Variants in CCDC171 observed in about 807,000 individuals in gnomAD.
The protein encoded by CCDC171 is coiled-coil domain containing 171.
Under a neutral mutation model 168.2 loss-of-function variants are expected in CCDC171, and 177 were observed. The observed-to-expected ratio is 1.05, with a 90% confidence interval of 0.93 to 1.19. The LOEUF is 1.19. CCDC171 is among the 50% of genes most tolerant of loss of function. The probability of loss-of-function intolerance (pLI) is 0.00; values close to 1 mark genes in which losing one functional copy is unlikely to be tolerated. For missense variants in CCDC171, 1,991 were observed against 1,539.0 expected, an observed-to-expected ratio of 1.29 and a Z score of -4.91; for synonymous variants, 687 against 540.8, an observed-to-expected ratio of 1.27 and a Z score of -3.75.
At chr9:16,072,753 G>A in the CCDC171 span, among the ~76,000 whole-genome samples, 10 of 151,574 alleles carry the variant, frequency 6.6e-5, no homozygotes, top group East Asian at 5.8e-4. Flanking sequence ...TTTCCTTCTC[G>A]TCCTATTCGT....
chr9:16,042,476 G>A (rs113799627), upstream of CCDC171, among the ~76,000 whole-genome samples: 2,134 of 152,286 alleles, frequency 0.014, 49 homozygotes, highest in African/African-American at 0.047. Flanking sequence ...CAGGGACCTC[G>A]AGGAAATCAC....
rs529609700 is a variant in CCDC171 at position 15,654,366 on chromosome 9, C to G, written c.823-2761C>G. ...GATTATATCCTGAAGCAGGATTACT[C>G]CATGACTGTGAAGGCCATCAGAACC... is the stretch of plus-strand genomic sequence containing the variant. On this transcript the variant is annotated intron_variant, in intron 7 of 25. Transcript: ENST00000380701. Among the ~76,000 whole-genome samples, 11 of 152,254 alleles carry G rather than the reference C, an allele frequency of 7.2e-5. No homozygotes were observed. The South Asian group carries it at 2.1e-3, about 29-fold the overall frequency.
chr9:16,023,678 T>G (rs1265085451), intron 6 of CCDC171, among the ~76,000 whole-genome samples: 1 of 152,230 alleles, frequency 6.6e-6, no homozygotes, highest in Non-Finnish European at 1.5e-5. Context: ...GTGGGTTCAT[T>G]GGGCATTACT....
intron 3 of CCDC171, among the ~76,000 whole-genome samples, chr9:15,994,980 A>G (rs1345989037): frequency 1.3e-5 from 2 of 152,182 alleles, no homozygotes; most frequent in Admixed American, 6.5e-5. Context: ...CACTGAATAT[A>G]ATTACAGGCC....
chr9:15,903,486 G>A (rs1649878074), intron 24 of CCDC171, among the ~76,000 whole-genome samples: 1 of 149,652 alleles, frequency 6.7e-6, no homozygotes, highest in Non-Finnish European at 1.5e-5. Flanking sequence ...CTGTTAGAAG[G>A]AAAACTAACA....
chr9:15,779,542 T>G (rs2057545816), intron 20 of CCDC171, among the ~76,000 whole-genome samples: 1 of 152,108 alleles, frequency 6.6e-6, no homozygotes, highest in Non-Finnish European at 1.5e-5. Context: ...GTATTTTTAG[T>G]AGAGATGGAA....
chr9:15,556,715 C>A (rs1252679297), intron 1 of CCDC171, among the ~76,000 whole-genome samples: 1 of 151,788 alleles, frequency 6.6e-6, no homozygotes, highest in East Asian at 1.9e-4. Flanking sequence ...ATGGTAGTTT[C>A]TTTTGCTGTG....
At chr9:15,922,438 T>G (rs1197107017) in intron 25 of CCDC171, among the ~76,000 whole-genome samples, 1 of 151,706 alleles carries the variant, frequency 6.6e-6, no homozygotes, top group Non-Finnish European at 1.5e-5. Flanking sequence ...CAATATTGTT[T>G]GGTGGGTAAG....
chr9:15,903,993 A>G (rs879936448), intron 24 of CCDC171, among the ~76,000 whole-genome samples: 3 of 152,136 alleles, frequency 2.0e-5, no homozygotes, highest in Non-Finnish European at 2.9e-5. Flanking sequence ...ATGAAAAGAA[A>G]CAAACAAAGC....
rs1453111429 is a variant in CCDC171 at position 15,815,666 on chromosome 9, TAA to T, written c.3267+30974_3267+30975del. ...AATCATATTTTCTCTGGTAAACCTT[TAA>T]ACAAAAGAACTCCAACACTCATTTT... On this transcript the variant is annotated intron_variant, in intron 21 of 25. Transcript: ENST00000380701. Among the ~76,000 whole-genome samples, 2 of 116,506 alleles carry T rather than the reference TAA, an allele frequency of 1.7e-5. 1 individual carries two copies. Among genetic ancestry groups the T allele is most frequent in the Non-Finnish European group, 3.8e-5 (2 of 52,004 alleles). 76.4% of individuals were successfully genotyped at this position (116,506 alleles called of 152,430 possible). A position where few individuals can be genotyped will look rare whatever the true frequency, so the allele number is the denominator to read the frequency against.
At chr9:15,857,855 C>T (rs868502425) in intron 23 of CCDC171, among the ~76,000 whole-genome samples, 65 of 151,796 alleles carry the variant, frequency 4.3e-4, no homozygotes, top group African/African-American at 1.5e-3. Flanking sequence ...GGATTTATTT[C>T]TGGGCTTTCT....
chr9:15,626,041 G>A (rs1383976762), intron 7 of CCDC171, among the ~76,000 whole-genome samples: 3 of 152,122 alleles, frequency 2.0e-5, no homozygotes, highest in Non-Finnish European at 2.9e-5. Context: ...CACATCCCTT[G>A]TAAGTTGGAT....
chr9:15,713,135 T>A lies in CCDC171; in HGVS notation c.1319-8634T>A, dbSNP rs191296236. Among the ~76,000 whole-genome samples, 40 of 152,318 alleles carry A rather than the reference T, an allele frequency of 2.6e-4. 1 individual carries two copies. The Middle Eastern group carries it at 0.017, about 65-fold the overall frequency. On this transcript the variant is annotated intron_variant, in intron 11 of 25. Transcript: ENST00000380701. ...AATTGGTGTATATTTGTATATTTGGTCTTCTCTCATTCTAGGAAGAATGAT... is the reference window on the plus strand; with the variant it reads ...AATTGGTGTATATTTGTATATTTGGACTTCTCTCATTCTAGGAAGAATGAT...
At chr9:15,957,483 C>G (rs1829914735) in intron 25 of CCDC171, among the ~76,000 whole-genome samples, 1 of 152,148 alleles carries the variant, frequency 6.6e-6, no homozygotes, top group Non-Finnish European at 1.5e-5. Context: ...TATGTCAACT[C>G]TTGTTCTCTA....
chr9:15,877,397 A>G (rs558503238), intron 24 of CCDC171, among the ~76,000 whole-genome samples: 1 of 152,138 alleles, frequency 6.6e-6, no homozygotes, highest in South Asian at 2.1e-4. Context: ...AGGTGTATGT[A>G]TGTTTTATTT....
the CCDC171 span, among the ~76,000 whole-genome samples, chr9:16,078,077 C>G: frequency 6.9e-6 from 1 of 145,464 alleles, no homozygotes; most frequent in African/African-American, 2.8e-5. Context: ...CACACACACA[C>G]ACACACACAC....
intron 1 of CCDC171, among the ~76,000 whole-genome samples, chr9:15,563,051 G>T (rs1260181676): frequency 6.6e-6 from 1 of 151,626 alleles, no homozygotes; most frequent in Non-Finnish European, 1.5e-5. Context: ...GTCATCAGTG[G>T]CCTGTTAGAA....
At chr9:16,043,764 T>G (rs545664431) in intron 1 of CCDC171, among the ~76,000 whole-genome samples, 25 of 152,208 alleles carry the variant, frequency 1.6e-4, no homozygotes, top group Non-Finnish European at 2.6e-4. Flanking sequence ...TATCTGTCCA[T>G]CTCATAGTAA....
chr9:16,035,903 C>T (rs1833458391), intron 7 of CCDC171, among the ~76,000 whole-genome samples: 1 of 152,164 alleles, frequency 6.6e-6, no homozygotes, highest in Non-Finnish European at 1.5e-5. Flanking sequence ...CTTGATGTTT[C>T]CTGTGAAACA....
Sources: allele counts gnomAD v4.1 joint callset (sites outside exome capture counted in the v4.1 genomes callset), GRCh38; gene constraint gnomAD v4.1.1; transcripts MANE v1.5; gene names NCBI Gene and HGNC (gene_info 2026-07-23, HGNC 2026-07-21).